The following TMTC4 variants were observed in gnomAD, a reference collection of about 807,000 sequenced individuals.
TMTC4 encodes the protein transmembrane O-mannosyltransferase targeting cadherins 4, also known as protein O-mannosyl-transferase TMTC4.
In TMTC4, 65 loss-of-function variants were observed where a neutral mutation model predicts 86.0. The ratio of observed to expected loss-of-function variants is 0.76; its 90% CI spans 0.62 to 0.93. The LOEUF (loss-of-function observed/expected upper bound fraction) is 0.93. TMTC4 is among the 40% of genes least tolerant of loss of function. The probability of loss-of-function intolerance (pLI) is 0.00; values close to 1 mark genes in which losing one functional copy is unlikely to be tolerated. For synonymous variants in TMTC4, 379 were observed against 382.5 expected (o/e 0.99, Z 0.11); for missense variants, 866 against 948.1 (o/e 0.91, Z 1.14).
intron 3 of TMTC4, among the ~76,000 whole-genome samples, chr13:100,667,922 G>A (rs1240110947): frequency 3.3e-5 from 5 of 152,114 alleles, no homozygotes; most frequent in East Asian, 1.9e-4. Flanking sequence ...CCCTAACTCC[G>A]GGTAGGGAGT....
At chr13:100,638,307 TTC>T (rs1882554037) in intron 7 of TMTC4, 3 of 300,918 alleles carry the variant, frequency 1.0e-5, no homozygotes, top group Non-Finnish European at 1.2e-5. Context: ...AAATTTGGGA[TTC>T]CTAGGAAAAG....
At chr13:100,649,237 C>A (rs906862412) in intron 6 of TMTC4, among the ~76,000 whole-genome samples, 1 of 152,198 alleles carries the variant, frequency 6.6e-6, no homozygotes, top group Non-Finnish European at 1.5e-5. Context: ...AAGTGAAAAA[C>A]TAGCTCTGAG....
At chr13:100,674,449 G>A in intron 1 of TMTC4, 1 of 898,826 alleles carries the variant, frequency 1.1e-6, no homozygotes, top group Non-Finnish European at 1.3e-6. Context: ...TGGGGGCGGC[G>A]ACCTCTGCCC....
intron 7 of TMTC4, among the ~76,000 whole-genome samples, chr13:100,640,183 G>C (rs1013297436): frequency 1.3e-5 from 2 of 151,758 alleles, no homozygotes; most frequent in Non-Finnish European, 2.9e-5. Context: ...TGCCCTCCAG[G>C]GGGGTGTTTG....
rs145829330 is a variant in TMTC4, at chr13:100,636,116, T to G, written c.1202+416A>C. On this transcript the variant is annotated intron_variant, in intron 10 of 18. Coordinates refer to ENST00000342624, the MANE Select transcript of TMTC4 (RefSeq NM_032813.5). ...AGAAAGAACAGTCTCTTTGGGGCAATGGCTTATTTTGTACCCAGCTACAAC... is the reference window on the plus strand; with the variant it reads ...AGAAAGAACAGTCTCTTTGGGGCAAGGGCTTATTTTGTACCCAGCTACAAC... Among the ~76,000 whole-genome samples the G allele has an allele frequency of 2.4e-3, 358 of 152,338 alleles. 3 individuals carry two copies. Among genetic ancestry groups the G allele is most frequent in the African/African-American group, 8.1e-3 (338 of 41,566 alleles).
chr13:100,665,356 C>T (rs1451212553), intron 3 of TMTC4, among the ~76,000 whole-genome samples: 1 of 152,184 alleles, frequency 6.6e-6, no homozygotes, highest in African/African-American at 2.4e-5. Flanking sequence ...CTGATCACTT[C>T]CCCGGGTTGT....
In TMTC4 at chr13:100,634,946, A is replaced by C. The variant is rs201088171; in HGVS notation, c.1375-10T>G. Reference sequence around the variant, plus strand: ...CAGCGGCAATGAGTTTCTTAAGAACAGAAAGACATGGTAATTGTCACCAGT... The same window carrying C: ...CAGCGGCAATGAGTTTCTTAAGAACCGAAAGACATGGTAATTGTCACCAGT... On this transcript the variant is annotated splice_polypyrimidine_tract_variant and intron_variant, in intron 11 of 18. Transcript: ENST00000342624. 1 of 1,613,460 alleles carries C rather than the reference A, an allele frequency of 6.2e-7. No homozygotes were observed. Among genetic ancestry groups the C allele is most frequent in the Non-Finnish European group, 8.5e-7 (1 of 1,179,578 alleles).
rs142790965 is a variant in TMTC4 at position 100,653,925 on chromosome 13, T to C, written c.640+2456A>G. On this transcript the variant is annotated intron_variant, in intron 6 of 18. Coordinates refer to ENST00000342624, the MANE Select transcript of TMTC4 (RefSeq NM_032813.5). ...GAGCAGAAGATGCAAACTACTGTAG[T>C]TTTGTATTTTCCAAAGACCAAAGAG... 8.0e-3 allele frequency among the ~76,000 whole-genome samples: 1,225 copies of C among 152,230 alleles called. 6 individuals are homozygous for C. Among genetic ancestry groups the C allele is most frequent in the Middle Eastern group, 0.027 (8 of 294 alleles).
In TMTC4 at chr13:100,606,333, G is replaced by A. The variant is rs765770734; in HGVS notation, c.2134+25C>T. On this transcript the variant is annotated intron_variant, in intron 18 of 18. Transcript: ENST00000342624. Reference sequence around the variant, plus strand: ...CATTAAAGTAACAAAATTTCAACACGATTCAAGTTGAACATTTTTCTTACC... The same window carrying A: ...CATTAAAGTAACAAAATTTCAACACAATTCAAGTTGAACATTTTTCTTACC... 9 of 1,605,090 alleles carry A rather than the reference G, an allele frequency of 5.6e-6. No individual in the cohort carries two copies. In the East Asian group the frequency reaches 6.7e-5, roughly 12 times the overall value.
At chr13:100,646,772 T>C (rs747433904) in intron 6 of TMTC4, among the ~76,000 whole-genome samples, 2 of 152,242 alleles carry the variant, frequency 1.3e-5, no homozygotes, top group Non-Finnish European at 2.9e-5. Flanking sequence ...TTACTTTCTA[T>C]GTATCTAATG....
intron 5 of TMTC4, among the ~76,000 whole-genome samples, chr13:100,658,667 T>C (rs927560620): frequency 1.3e-4 from 20 of 152,292 alleles, no homozygotes; most frequent in Middle Eastern, 3.4e-3. Context: ...GGGTGGCTAG[T>C]GTAGATTTGA....
At position 100,670,342 on chromosome 13, in the gene TMTC4, A is replaced by C. The variant is rs368193744; in HGVS notation, c.3+18T>G. 9.3e-5 allele frequency: 149 copies of C among 1,609,008 alleles called. No homozygotes were observed. The highest frequency in any genetic ancestry group is 6.6e-4 in the Middle Eastern group (4 of 6,046). Reference sequence around the variant, plus strand: ...CTGAGTGAAGATGGAGACAGATCCAACAGGCAACGGGACACACCATTCCAT... The same window carrying C: ...CTGAGTGAAGATGGAGACAGATCCACCAGGCAACGGGACACACCATTCCAT... On this transcript the variant is annotated intron_variant, in intron 2 of 18. Coordinates refer to ENST00000342624, the MANE Select transcript of TMTC4 (RefSeq NM_032813.5).
intron 6 of TMTC4, among the ~76,000 whole-genome samples, chr13:100,647,083 G>T (rs372531321): frequency 6.6e-6 from 1 of 152,168 alleles, no homozygotes; most frequent in African/African-American, 2.4e-5. Flanking sequence ...CGGGCCTTCC[G>T]CCACGTCATG....
At chr13:100,657,526 T>C (rs985606586) in intron 5 of TMTC4, among the ~76,000 whole-genome samples, 1 of 71,748 alleles carries the variant, frequency 1.4e-5, no homozygotes, top group African/African-American at 3.5e-5. Context: ...GTTCTCCCAA[T>C]GTTGTACGTG....
chr13:100,646,286 C>T (rs1450814638), intron 6 of TMTC4, among the ~76,000 whole-genome samples: 5 of 152,146 alleles, frequency 3.3e-5, no homozygotes, highest in Non-Finnish European at 7.4e-5. Context: ...TCAGCAGGCC[C>T]GACTGACGCT....
intron 1 of TMTC4, 126 bp downstream of exon 1, chr13:100,674,618 G>C: frequency 1.0e-6 from 1 of 982,668 alleles, no homozygotes; most frequent in African/African-American, 1.8e-5. Flanking sequence ...CAGCAGCGCC[G>C]CTCTGGCCCG....
chr13:100,636,462 C>T, intron 10 of TMTC4, 70 bp downstream of exon 10: 3 of 1,538,178 alleles, frequency 2.0e-6, no homozygotes, highest in Non-Finnish European at 2.7e-6. Context: ...TAAAAATGAT[C>T]AGCGCAGGAT....
intron 3 of TMTC4, chr13:100,668,262 G>C (rs1376933152): frequency 2.3e-5 from 5 of 219,112 alleles, no homozygotes; most frequent in African/African-American, 1.1e-4. Context: ...GCAAAATCTG[G>C]AATACTAAGT....
At chr13:100,659,998 A>G (rs1163396710) in intron 5 of TMTC4, among the ~76,000 whole-genome samples, 2 of 150,632 alleles carry the variant, frequency 1.3e-5, no homozygotes, top group Non-Finnish European at 1.5e-5. Flanking sequence ...GGAGAGTGGT[A>G]AAGACCTAAA....
Sources: allele counts gnomAD v4.1 joint callset (sites outside exome capture counted in the v4.1 genomes callset), GRCh38; gene constraint gnomAD v4.1.1; transcripts MANE v1.5; gene names NCBI Gene and HGNC (gene_info 2026-07-23, HGNC 2026-07-21).